Variants in EHHADH observed in about 807,000 individuals in gnomAD.
The protein encoded by EHHADH is enoyl-CoA hydratase and 3-hydroxyacyl CoA dehydrogenase, also known as peroxisomal bifunctional enzyme.
A neutral mutation model predicts 64.4 loss-of-function variants in EHHADH; 48 were observed. The ratio of observed to expected loss-of-function variants is 0.75; its 90% CI spans 0.59 to 0.95. The LOEUF (loss-of-function observed/expected upper bound fraction) is 0.95, where lower values mean the gene tolerates loss of function less well. Among genes scored for constraint, EHHADH ranks in the 40% least tolerant of loss-of-function variants. EHHADH has a pLI of 0.00. For synonymous variants in EHHADH, 308 were observed against 326.7 expected (o/e 0.94, Z 0.62); for missense variants, 854 against 876.6 (o/e 0.97, Z 0.33).
Position 185,192,980 on chromosome 3 carries a change from A to G in EHHADH, c.1418T>C (p.Val473Ala). Residue 473 changes from valine (V) to alanine (A), a missense_variant, in exon 7 of 7, where the codon GTA (valine) becomes GCA (alanine). Val to Ala is a moderately conservative substitution (Grantham distance 64, BLOSUM62 0). Coordinates refer to ENST00000231887, the MANE Select transcript of EHHADH (RefSeq NM_001966.4). ...CCCCACAAATCCAAAACAGTTGCCT[A>G]CAACGACTCCAATCTTTTTAATCTT... is the stretch of plus-strand genomic sequence containing the variant. ...SKKIKKIGVV[V>A]GNCFGFVGNR... The G allele has an allele frequency of 6.2e-7, 1 of 1,614,242 alleles. No individual in the cohort carries two copies. The highest frequency in any genetic ancestry group is 1.1e-5 in the South Asian group (1 of 91,084).
intron 4 of EHHADH, among the ~76,000 whole-genome samples, chr3:185,228,290 A>ATG (rs1719056952): frequency 7.6e-6 from 1 of 131,118 alleles, no homozygotes; most frequent in Non-Finnish European, 1.6e-5. Flanking sequence ...GGAGAGAGAG[A>ATG]GAGAGAGAGA....
chr3:185,229,373 A>T (rs1273056884), intron 4 of EHHADH, 59 bp downstream of exon 4: 9 of 1,156,904 alleles, frequency 7.8e-6, no homozygotes, highest in Non-Finnish European at 1.0e-5. Flanking sequence ...GAATTTTTCT[A>T]AATCCTAGTC....
At chr3:185,211,661 A>G (rs1415378836) in intron 5 of EHHADH, among the ~76,000 whole-genome samples, 1 of 152,254 alleles carries the variant, frequency 6.6e-6, no homozygotes, top group Non-Finnish European at 1.5e-5. Flanking sequence ...GGCTTCAAGA[A>G]GGTGACCCAC....
At chr3:185,244,609 A>T (rs576614206) in intron 2 of EHHADH, among the ~76,000 whole-genome samples, 18 of 152,164 alleles carry the variant, frequency 1.2e-4, no homozygotes, top group Non-Finnish European at 2.4e-4. Context: ...GATGTTATCA[A>T]ATTAAGATGA....
rs1027719883 is a variant in EHHADH at position 185,222,442 on chromosome 3, G to T, written c.464-4202C>A. Among the ~76,000 whole-genome samples the T allele has an allele frequency of 2.6e-5, 4 of 152,100 alleles. 1 individual carries two copies. The highest frequency in any genetic ancestry group is 5.9e-5 in the Non-Finnish European group (4 of 68,020). ...AAGCTTTAAAAATGTTTCTTTATTA[G>T]TTCATTTTAAAATAATAAACTCACT... On this transcript the variant is annotated intron_variant, in intron 4 of 6. Coordinates refer to ENST00000231887, the MANE Select transcript of EHHADH (RefSeq NM_001966.4).
At chr3:185,213,306 T>C (rs1718599433) in intron 5 of EHHADH, among the ~76,000 whole-genome samples, 1 of 151,910 alleles carries the variant, frequency 6.6e-6, no homozygotes, top group African/African-American at 2.4e-5. Flanking sequence ...GAGATACAAA[T>C]TCTTGGGCCC....
intron 5 of EHHADH, among the ~76,000 whole-genome samples, chr3:185,214,978 G>C (rs185955425): frequency 6.6e-6 from 1 of 152,230 alleles, no homozygotes; most frequent in Admixed American, 6.5e-5. Context: ...GCCTCTATAA[G>C]TGATTGTCCA....
Position 185,195,028 on chromosome 3 carries a change from A to T in EHHADH, c.911-1541T>A, listed in dbSNP as rs544837352. Among the ~76,000 whole-genome samples the T allele has an allele frequency of 2.6e-5, 4 of 152,204 alleles. No individual in the cohort carries two copies. In the South Asian group the frequency reaches 8.3e-4, roughly 32 times the overall value. ...GATGCTGGGACAACTGGATATCCAC[A>T]TGCAAAAGAATGAAGTTGGACCCTT... On this transcript the variant is annotated intron_variant, in intron 6 of 6. Transcript: ENST00000231887.
chr3:185,217,267 C>A (rs1401292950), intron 5 of EHHADH, among the ~76,000 whole-genome samples: 1 of 152,038 alleles, frequency 6.6e-6, no homozygotes, highest in Non-Finnish European at 1.5e-5. Flanking sequence ...GAGTTTGGGG[C>A]CAGGCGCGGT....
chr3:185,200,906 G>C (rs546325063), intron 6 of EHHADH, among the ~76,000 whole-genome samples: 1 of 152,106 alleles, frequency 6.6e-6, no homozygotes, highest in South Asian at 2.1e-4. Flanking sequence ...AGGATTTTGC[G>C]GGGAGCACAA....
chr3:185,253,447 A>T (rs1415877751), intron 1 of EHHADH, among the ~76,000 whole-genome samples: 1 of 147,226 alleles, frequency 6.8e-6, no homozygotes, highest in East Asian at 2.1e-4. Context: ...GAGGGATAGC[A>T]TTAGGAGATA....
chr3:185,237,484 T>C (rs781668137), intron 2 of EHHADH, among the ~76,000 whole-genome samples: 2 of 152,236 alleles, frequency 1.3e-5, no homozygotes, highest in Non-Finnish European at 2.9e-5. Context: ...GTTTGTTTCC[T>C]GTAGATTTTT....
intron 2 of EHHADH, among the ~76,000 whole-genome samples, chr3:185,242,809 G>T (rs1182759727): frequency 6.6e-6 from 1 of 152,166 alleles, no homozygotes; most frequent in African/African-American, 2.4e-5. Flanking sequence ...GCTGCATAAG[G>T]GCTTTAGTTC....
intron 5 of EHHADH, among the ~76,000 whole-genome samples, chr3:185,211,108 C>T (rs763189609): frequency 1.3e-5 from 2 of 152,192 alleles, no homozygotes; most frequent in Non-Finnish European, 2.9e-5. Flanking sequence ...ACTAAGGATG[C>T]TGTTATCTTA....
chr3:185,226,397 C>T (rs1376300728), intron 4 of EHHADH, among the ~76,000 whole-genome samples: 1 of 152,112 alleles, frequency 6.6e-6, no homozygotes, highest in Admixed American at 6.5e-5. Flanking sequence ...GCCTGTAATC[C>T]CAGCACTTTG....
At chr3:185,251,963 A>G (rs1719760436) in intron 1 of EHHADH, among the ~76,000 whole-genome samples, 1 of 152,206 alleles carries the variant, frequency 6.6e-6, no homozygotes, top group Non-Finnish European at 1.5e-5. Context: ...ACATCTATTA[A>G]ATGCCACTTC....
chr3:185,219,513 G>A (rs1374261857), intron 4 of EHHADH, among the ~76,000 whole-genome samples: 2 of 152,224 alleles, frequency 1.3e-5, no homozygotes, highest in African/African-American at 4.8e-5. Context: ...TCAGCAATAG[G>A]AGATATAGAA....
At chr3:185,250,561 A>G (rs1719718505) in intron 1 of EHHADH, among the ~76,000 whole-genome samples, 1 of 152,260 alleles carries the variant, frequency 6.6e-6, no homozygotes, top group African/African-American at 2.4e-5. Flanking sequence ...ATTCTGAGTA[A>G]AATCTCTGTT....
Position 185,198,403 on chromosome 3 carries a change from T to C in EHHADH, c.911-4916A>G, listed in dbSNP as rs535469255. Among the ~76,000 whole-genome samples the C allele has an allele frequency of 7.1e-4, 108 of 151,616 alleles. No individual in the cohort carries two copies. The Middle Eastern group carries it at 0.017, about 24-fold the overall frequency. Reference sequence around the variant, plus strand: ...CTGGCTAATTTTTTTGTATTTTTAGTAGAGACAGGGTTTCATCATGTTGGC... The same window carrying C: ...CTGGCTAATTTTTTTGTATTTTTAGCAGAGACAGGGTTTCATCATGTTGGC... On this transcript the variant is annotated intron_variant, in intron 6 of 6. Transcript: ENST00000231887.
Sources: allele counts gnomAD v4.1 joint callset (sites outside exome capture counted in the v4.1 genomes callset), GRCh38; gene constraint gnomAD v4.1.1; transcripts MANE v1.5; gene names NCBI Gene and HGNC (gene_info 2026-07-23, HGNC 2026-07-21).